SMOC2: variants seen among roughly 807,000 people sequenced by gnomAD.
SMOC2 encodes SPARC-related modular calcium-binding protein 2.
Under a neutral mutation model 61.4 loss-of-function variants are expected in SMOC2, and 39 were observed. The ratio of observed to expected loss-of-function variants is 0.64; its 90% CI spans 0.49 to 0.83. The LOEUF (loss-of-function observed/expected upper bound fraction) is 0.83. SMOC2 is among the 40% of genes least tolerant of loss of function. The probability of loss-of-function intolerance (pLI) is 0.00; values close to 1 mark genes in which losing one functional copy is unlikely to be tolerated. For synonymous variants in SMOC2, 247 were observed against 239.9 expected (o/e 1.03, Z -0.27); for missense variants, 556 against 592.9 (o/e 0.94, Z 0.65).
At chr6:168,525,192 A>C (rs62424683) in intron 2 of SMOC2, among the ~76,000 whole-genome samples, 16,716 of 152,284 alleles carry the variant, frequency 0.11, 1,081 homozygotes, top group South Asian at 0.19. Context: ...CAAGAAGTAA[A>C]GCATGCATGT....
intron 4 of SMOC2, among the ~76,000 whole-genome samples, chr6:168,540,911 A>T (rs1783863939): frequency 6.6e-6 from 1 of 152,104 alleles, no homozygotes; most frequent in South Asian, 2.1e-4. Context: ...TCTGTGCCGC[A>T]GACCTCCCTC....
intron 7 of SMOC2, among the ~76,000 whole-genome samples, chr6:168,589,159 A>G (rs757370662): frequency 5.3e-5 from 8 of 152,136 alleles, no homozygotes; most frequent in Middle Eastern, 3.4e-3. Context: ...CTAGACGTGA[A>G]TTATGTCATT....
chr6:168,460,009 AT>A (rs988938327), intron 1 of SMOC2, among the ~76,000 whole-genome samples: 13 of 152,268 alleles, frequency 8.5e-5, no homozygotes, highest in African/African-American at 2.9e-4. Context: ...TCCCTGATCA[AT>A]GTTTCTCTCA....
In SMOC2 at chr6:168,453,337, C is replaced by A. The variant is rs78749044; in HGVS notation, c.84+11883C>A. ...TCATTTCGGGCTGTGCCTTTGTCTC[C>A]GGGTCTCCTCCTCACTCTTCTCAGT... On this transcript the variant is annotated intron_variant, in intron 1 of 12. Transcript: ENST00000356284. This position sits in a 1 kb window ranked among gnomAD's most constrained non-coding sequence, Gnocchi z 4.4. 0.011 allele frequency among the ~76,000 whole-genome samples: 1,648 copies of A among 152,252 alleles called. 33 individuals are homozygous for A. The highest frequency in any genetic ancestry group is 0.037 in the African/African-American group (1,544 of 41,554).
intron 9 of SMOC2, among the ~76,000 whole-genome samples, chr6:168,627,986 C>A (rs78748211): frequency 0.017 from 2,638 of 152,294 alleles, 71 homozygotes; most frequent in African/African-American, 0.06. Flanking sequence ...GGACATCAGC[C>A]AGTGACTGCC....
intron 1 of SMOC2, among the ~76,000 whole-genome samples, chr6:168,445,644 A>G (rs1397630081): frequency 6.6e-6 from 1 of 151,930 alleles, no homozygotes; most frequent in African/African-American, 2.4e-5. Context: ...TTCTTCTTCC[A>G]TTGCAAATGC....
rs1583097702 is a variant in SMOC2 at position 168,544,738 on chromosome 6, G to A, written c.511+1066G>A. Among the ~76,000 whole-genome samples, 1 of 152,174 alleles carries A rather than the reference G, an allele frequency of 6.6e-6. No homozygotes were observed. ...TATTCAACCAATCCCTTCTGCATGTGTGGAAACTGTGGTGGGGCCCATCCC... is the reference window on the plus strand; with the variant it reads ...TATTCAACCAATCCCTTCTGCATGTATGGAAACTGTGGTGGGGCCCATCCC... On this transcript the variant is annotated intron_variant, in intron 5 of 12. Coordinates refer to ENST00000356284, the MANE Select transcript of SMOC2 (RefSeq NM_001166412.2). This position sits in a 1 kb window ranked among gnomAD's most constrained non-coding sequence, Gnocchi z 4.1.
At chr6:168,648,635 G>A (rs531554192) in intron 9 of SMOC2, among the ~76,000 whole-genome samples, 19 of 152,332 alleles carry the variant, frequency 1.2e-4, no homozygotes, top group African/African-American at 4.1e-4. Context: ...CATTTGCCCC[G>A]TGGCCGTGAT....
chr6:168,532,366 G>A (rs183306472), intron 4 of SMOC2, among the ~76,000 whole-genome samples: 7 of 152,320 alleles, frequency 4.6e-5, no homozygotes, highest in Middle Eastern at 3.4e-3. Flanking sequence ...CTGAAAGACA[G>A]AGTTGGTTCT....
chr6:168,641,680 C>T (rs1020894743), intron 9 of SMOC2, among the ~76,000 whole-genome samples: 1 of 152,162 alleles, frequency 6.6e-6, no homozygotes, highest in African/African-American at 2.4e-5. Context: ...GGGGAGTTTA[C>T]GGCAGCACTC....
At chr6:168,502,513 C>T (rs149831472) in intron 1 of SMOC2, among the ~76,000 whole-genome samples, 1 of 152,294 alleles carries the variant, frequency 6.6e-6, no homozygotes, top group East Asian at 1.9e-4. Flanking sequence ...ACAAATTCAT[C>T]TCATTCAATT....
rs564817858 is a variant in SMOC2 at position 168,510,359 on chromosome 6, A to G, written c.256+273A>G. On this transcript the variant is annotated intron_variant, in intron 2 of 12. Transcript: ENST00000356284. Reference sequence around the variant, plus strand: ...GTTTTTTTCCCCAAAGTCTTCTAAAATTATTCTCAATAAGATTTCTTTCTT... The same window carrying G: ...GTTTTTTTCCCCAAAGTCTTCTAAAGTTATTCTCAATAAGATTTCTTTCTT... 2.0e-5 allele frequency among the ~76,000 whole-genome samples: 3 copies of G among 152,156 alleles called. No individual in the cohort carries two copies. In the South Asian group the frequency reaches 6.2e-4, roughly 31 times the overall value.
intron 9 of SMOC2, among the ~76,000 whole-genome samples, chr6:168,616,746 GA>G (rs1243024460): frequency 6.6e-6 from 1 of 152,182 alleles, no homozygotes; most frequent in Non-Finnish European, 1.5e-5. Flanking sequence ...TAAAAACTCA[GA>G]AAAACCACAC....
intron 1 of SMOC2, among the ~76,000 whole-genome samples, chr6:168,478,482 G>C (rs1010364768): frequency 2.6e-5 from 4 of 152,142 alleles, no homozygotes; most frequent in African/African-American, 9.7e-5. Context: ...TGGTAGTAAA[G>C]TAAGTATTCA....
chr6:168,515,321 G>A (rs1018462120), intron 2 of SMOC2, among the ~76,000 whole-genome samples: 2 of 152,200 alleles, frequency 1.3e-5, no homozygotes, highest in African/African-American at 4.8e-5. Flanking sequence ...CAGCTGCCAA[G>A]GCGGCAAACG....
At chr6:168,608,055 G>T (rs1785756797) in intron 8 of SMOC2, 102 bp from the exon 9 acceptor site, 3 of 1,020,004 alleles carry the variant, frequency 2.9e-6, no homozygotes, top group Non-Finnish European at 4.4e-6. Context: ...ACAGGTCACG[G>T]TGTATGCTAG....
rs912661169 is a variant in SMOC2, at chr6:168,553,842, A to G, written c.637+4639A>G. ...CAGAAATAATGGGAAGATGGAGAAC[A>G]TGTGGAAGGCCAGCTGTCTCACATT... On this transcript the variant is annotated intron_variant, in intron 7 of 12. Transcript: ENST00000356284. This position sits in a 1 kb window ranked among gnomAD's most constrained non-coding sequence, Gnocchi z 4.2. Among the ~76,000 whole-genome samples, 5 of 152,226 alleles carry G rather than the reference A, an allele frequency of 3.3e-5. No individual in the cohort carries two copies. The highest frequency in any genetic ancestry group is 7.3e-5 in the Non-Finnish European group (5 of 68,032).
At chr6:168,536,306 G>A (rs1053675129) in intron 4 of SMOC2, among the ~76,000 whole-genome samples, 12 of 152,144 alleles carry the variant, frequency 7.9e-5, no homozygotes, top group African/African-American at 1.4e-4. Context: ...TCCTGATCCC[G>A]GGTGAGGGAC....
chr6:168,563,703 C>T (rs548645606), intron 7 of SMOC2, among the ~76,000 whole-genome samples: 1 of 152,312 alleles, frequency 6.6e-6, no homozygotes, highest in South Asian at 2.1e-4. Context: ...AAGGCGCCAT[C>T]TGTGAACCAG....
Sources: gnomAD v4.1 joint callset for allele counts (sites outside exome capture counted in the v4.1 genomes callset) on GRCh38, gnomAD v4.1.1 for gene constraint, Gnocchi (gnomAD v3.1) non-coding constraint, MANE v1.5 for transcripts, NCBI Gene and HGNC (gene_info 2026-07-23, HGNC 2026-07-21) for gene names.